ABHD12: variants seen among roughly 807,000 people sequenced by gnomAD.
ABHD12 encodes lysophosphatidylserine lipase ABHD12.
Under a neutral mutation model 58.3 loss-of-function variants are expected in ABHD12, and 43 were observed. The observed-to-expected ratio is 0.74, with a 90% CI of 0.58 to 0.95. The LOEUF (loss-of-function observed/expected upper bound fraction) is 0.95. ABHD12 is among the 40% of genes least tolerant of loss of function. ABHD12 has a pLI of 0.00. For missense variants in ABHD12, 539 were observed against 537.2 expected (o/e 1.00, Z -0.03); for synonymous variants, 219 against 211.2 (o/e 1.04, Z -0.32).
At chr20:25,332,345 A>C (rs1333318130) in intron 2 of ABHD12, among the ~76,000 whole-genome samples, 1 of 152,046 alleles carries the variant, frequency 6.6e-6, no homozygotes, top group Admixed American at 6.6e-5. Context: ...AGACTCCCAC[A>C]CATTAATAAT....
intron 1 of ABHD12, among the ~76,000 whole-genome samples, chr20:25,361,652 C>T (rs2089749530): frequency 6.6e-6 from 1 of 152,172 alleles, no homozygotes; most frequent in Non-Finnish European, 1.5e-5. Flanking sequence ...ATTTATTTTG[C>T]ATTTGAAAAT....
At chr20:25,368,699 G>T in intron 1 of ABHD12, 1 of 1,348,962 alleles carries the variant, frequency 7.4e-7, no homozygotes, top group Admixed American at 1.7e-5. Flanking sequence ...TCTGCAAACA[G>T]GTTGAAGGAG....
intron 1 of ABHD12, among the ~76,000 whole-genome samples, chr20:25,355,479 T>C (rs547757808): frequency 0.018 from 793 of 44,194 alleles, 7 homozygotes; most frequent in Non-Finnish European, 0.019. Context: ...AACATTTTCT[T>C]TGGGAAATTT....
Position 25,339,320 on chromosome 20 carries a change from T to C in ABHD12, c.223A>G (p.Ile75Val). 6.2e-7 allele frequency: 1 copy of C among 1,614,138 alleles called. No individual in the cohort carries two copies. ...TACAACCCCAAAACACAGAAAAGTA[T>C]CTTCCTCAGGCGCAACCACACGCCC... is the stretch of plus-strand genomic sequence containing the variant. ...RKGVWLRLRK[I>V]LFCVLGLYIA... is the part of the protein sequence containing the mutation. Residue 75 changes from isoleucine to valine, a missense_variant, in exon 2 of 13, where the codon ATA (isoleucine) becomes GTA (valine). Coordinates refer to ENST00000339157, the MANE Select transcript of ABHD12 (RefSeq NM_001042472.3).
chr20:25,296,728 G>A (rs1207786068), downstream of ABHD12: 1 of 684,342 alleles, frequency 1.5e-6, no homozygotes, highest in Non-Finnish European at 2.4e-6. Flanking sequence ...TTCTTGTAAA[G>A]GAAGCCAGAG....
intron 10 of ABHD12, among the ~76,000 whole-genome samples, chr20:25,306,446 C>T (rs1466338930): frequency 2.0e-5 from 3 of 152,156 alleles, no homozygotes; most frequent in African/African-American, 4.8e-5. Flanking sequence ...GGTGCAATCA[C>T]GGTTCACTGC....
intron 1 of ABHD12, among the ~76,000 whole-genome samples, chr20:25,342,053 T>C (rs139569112): frequency 6.8e-6 from 1 of 146,494 alleles, no homozygotes; most frequent in African/African-American, 2.6e-5. Flanking sequence ...AAAGACTTGT[T>C]CAAAAATGTT....
chr20:25,355,747 C>T (rs1429313973), intron 1 of ABHD12, among the ~76,000 whole-genome samples: 3 of 152,014 alleles, frequency 2.0e-5, no homozygotes, highest in Non-Finnish European at 4.4e-5. Flanking sequence ...TTAGTAGAGA[C>T]GGGGTTTCAC....
intron 6 of ABHD12, 87 bp downstream of exon 6, chr20:25,314,838 C>T (rs1304291100): frequency 6.8e-6 from 10 of 1,460,100 alleles, no homozygotes; most frequent in South Asian, 3.4e-5. Context: ...GGCCTTGCTC[C>T]GAGCCTCTTC....
At chr20:25,337,088 C>T (rs559791198) in intron 2 of ABHD12, among the ~76,000 whole-genome samples, 87 of 152,250 alleles carry the variant, frequency 5.7e-4, no homozygotes, top group Admixed American at 1.0e-3. Context: ...ATGGCAAAAC[C>T]CCATCTCTAC....
At chr20:25,328,351 C>T (rs867683664) in intron 2 of ABHD12, among the ~76,000 whole-genome samples, 12 of 152,118 alleles carry the variant, frequency 7.9e-5, no homozygotes, top group Admixed American at 7.2e-4. Flanking sequence ...CAGCTGGGAG[C>T]GGGGGTAGCC....
At chr20:25,376,262 C>T (rs1393675191) in intron 1 of ABHD12, among the ~76,000 whole-genome samples, 22 of 152,132 alleles carry the variant, frequency 1.4e-4, no homozygotes, top group Admixed American at 1.4e-3. Context: ...GAGAGTAACG[C>T]CAAATCTCAT....
At chr20:25,361,404 G>GT (rs58644494) in intron 1 of ABHD12, among the ~76,000 whole-genome samples, 5,710 of 151,040 alleles carry the variant, frequency 0.038, 311 homozygotes, top group African/African-American at 0.12. Context: ...CGTGTTTTTT[G>GT]TTTTTTTTTG....
At chr20:25,303,732 C>T (rs751869622) in intron 10 of ABHD12, 104 bp from the exon 11 acceptor site, 1 of 1,502,092 alleles carries the variant, frequency 6.7e-7, no homozygotes, top group Non-Finnish European at 9.1e-7. Flanking sequence ...TTTTGGGAAA[C>T]AGCCTGATTT....
chr20:25,306,891 C>A lies in ABHD12; in HGVS notation c.892G>T (p.Asp298Tyr). The change falls in exon 10 of 13, where the codon GAC becomes TAC. Residue 298 changes from aspartate (D) to tyrosine (Y), a missense_variant. Asp to Tyr is a radical substitution (Grantham distance 160). Coordinates refer to ENST00000339157, the MANE Select transcript of ABHD12 (RefSeq NM_001042472.3). The stretch of plus-strand genomic sequence containing the variant: ...GTAATAGGATCAAGGAAGAACCAGT[C>A]AAACCCAGGGAAGTATCGATATATC... ...SVIYRYFPGF[D>Y]WFFLDPITSS... 2.5e-6 allele frequency: 4 copies of A among 1,612,756 alleles called. No individual in the cohort carries two copies. The highest frequency in any genetic ancestry group is 1.1e-5 in the South Asian group (1 of 91,032).
At chr20:25,336,069 C>A (rs533255030) in intron 2 of ABHD12, among the ~76,000 whole-genome samples, 18 of 152,080 alleles carry the variant, frequency 1.2e-4, no homozygotes, top group Non-Finnish European at 1.9e-4. Context: ...CTAAGAGATA[C>A]CTTCTTGATC....
chr20:25,296,387 CAAG>C (rs2088545419), downstream of ABHD12: 1 of 1,614,052 alleles, frequency 6.2e-7, no homozygotes, highest in Non-Finnish European at 8.5e-7. Context: ...AGGAGTGGAC[CAAG>C]AAGGTCATCA....
In ABHD12 at chr20:25,320,447, AG is replaced by A; in HGVS notation, c.423-130del. On this transcript the variant is annotated intron_variant, in intron 3 of 12. Coordinates refer to ENST00000339157, the MANE Select transcript of ABHD12 (RefSeq NM_001042472.3). ...GGAGCTGCAGACCCCATCTAACTAC[AG>A]GGGAACAGATGGGGGTGGGTGGTAG... is the stretch of plus-strand genomic sequence containing the variant. The A allele has an allele frequency of 3.2e-6, 4 of 1,235,198 alleles. 1 individual carries two copies. Among genetic ancestry groups the A allele is most frequent in the Admixed American group, 1.8e-5 (1 of 55,124 alleles). The allele number at this position is 1,235,198 out of a possible 1,614,324, so 76.5% of individuals were successfully genotyped here.
At chr20:25,336,881 G>T (rs1017361994) in intron 2 of ABHD12, among the ~76,000 whole-genome samples, 2 of 152,292 alleles carry the variant, frequency 1.3e-5, no homozygotes, top group Middle Eastern at 3.4e-3. Context: ...GATGCCCAGG[G>T]GGGTGAGGCG....
Sources: allele counts gnomAD v4.1 joint callset (sites outside exome capture counted in the v4.1 genomes callset), GRCh38; gene constraint gnomAD v4.1.1; transcripts MANE v1.5; gene names NCBI Gene and HGNC (gene_info 2026-07-23, HGNC 2026-07-21).